Variants in AMMECR1 observed in about 807,000 individuals in gnomAD.
AMMECR1 encodes AMMECR nuclear protein 1.
AMMECR1 carries 3 observed loss-of-function variants against 22.5 expected under a neutral mutation model. The ratio of observed to expected loss-of-function variants is 0.13; its 90% CI spans 0.06 to 0.35. The LOEUF is 0.35. Ranked by LOEUF, AMMECR1 falls within the 10% of genes least tolerant of loss-of-function variation. AMMECR1 has a pLI of 1.00. For synonymous variants in AMMECR1, 130 were observed against 116.7 expected (o/e 1.11, Z -0.74); for missense variants, 235 against 278.7 (o/e 0.84, Z 1.12).
intron 2 of AMMECR1, among the ~76,000 whole-genome samples, chrX:110,400,794 G>A (rs1295547013): frequency 1.8e-5 from 2 of 111,459 alleles, no homozygotes; most frequent in Non-Finnish European, 3.8e-5. Flanking sequence ...TTGAATGTGA[G>A]CCCCTTGAGA....
intron 1 of AMMECR1, among the ~76,000 whole-genome samples, chrX:110,296,009 C>G (rs1428138301): frequency 8.9e-6 from 1 of 111,934 alleles, no homozygotes; most frequent in East Asian, 2.8e-4. Flanking sequence ...GTTACCTTTA[C>G]CAGTACTCTT....
chrX:110,279,160 T>C (rs764223607), intron 1 of AMMECR1, among the ~76,000 whole-genome samples: 18 of 112,033 alleles, frequency 1.6e-4, no homozygotes, highest in Non-Finnish European at 2.6e-4. Context: ...TATTATTAGA[T>C]TGATTAAAAA....
chrX:110,257,665 T>G (rs1210362817), intron 2 of AMMECR1, among the ~76,000 whole-genome samples: 1 of 112,097 alleles, frequency 8.9e-6, no homozygotes, highest in African/African-American at 3.2e-5. Context: ...AAAAGTGAAC[T>G]AGGGATGAAC....
chrX:110,311,514 T>G (rs1429474543), intron 1 of AMMECR1, among the ~76,000 whole-genome samples: 9 of 110,018 alleles, frequency 8.2e-5, no homozygotes, highest in African/African-American at 1.7e-4. Context: ...AAAAACAGGG[T>G]TTTTTTTTCC....
At chrX:110,434,536 C>CA (rs2068822116) in intron 1 of AMMECR1, among the ~76,000 whole-genome samples, 2 of 111,319 alleles carry the variant, frequency 1.8e-5, no homozygotes, top group South Asian at 7.8e-4. Flanking sequence ...GGCTGGCTGT[C>CA]ATGGGGTCAA....
At position 110,196,992 on chromosome X, in the gene AMMECR1, T is replaced by C. The variant is rs905733464; in HGVS notation, c.*1528A>G. 2.7e-5 allele frequency: 3 copies of C among 112,230 alleles called. No individual in the cohort carries two copies. The highest frequency in any genetic ancestry group is 9.7e-5 in the African/African-American group (3 of 30,875). 9.2% of individuals were successfully genotyped at this position (112,230 alleles called of 1,213,427 possible). On this transcript the variant is annotated 3_prime_UTR_variant, in exon 6 of 6. Coordinates refer to ENST00000262844, the MANE Select transcript of AMMECR1 (RefSeq NM_015365.3). ...GCTTCCTATTTGAAAAAATTATATATATTTTTCCAAAGACACACAGACACA... is the reference window on the plus strand; with the variant it reads ...GCTTCCTATTTGAAAAAATTATATACATTTTTCCAAAGACACACAGACACA...
intron 3 of AMMECR1, among the ~76,000 whole-genome samples, chrX:110,202,816 A>G (rs757010936): frequency 4.2e-4 from 47 of 111,447 alleles, no homozygotes; most frequent in Non-Finnish European, 8.7e-4. Context: ...GTAGAATAAG[A>G]CGGTTGATGG....
At position 110,317,601 on chromosome X, in the gene AMMECR1, G is replaced by C. The variant is rs760800088; in HGVS notation, c.471C>G (p.Pro157=). ...GCGGCGGAGGGCACGGTACTCACTA[G>C]GGCTCGTTGGTGAATCGGGGGGTCC... The part of the protein sequence containing the change: ...QPRTPRFTNE[P]YPLFVTWKIG... The change falls in exon 1 of 6, where the codon CCC becomes CCG. Residue 157 remains proline (P), a splice_region_variant and synonymous_variant. Transcript: ENST00000262844. 1.1e-5 allele frequency: 13 copies of C among 1,188,627 alleles called. No individual in the cohort carries two copies. The highest frequency in any genetic ancestry group is 1.2e-5 in the Non-Finnish European group (11 of 882,526).
chrX:110,200,943 G>A lies in AMMECR1; in HGVS notation c.887+11C>T. Reference sequence around the variant, plus strand: ...ACAGGTTAGCCTTGTGCTAGAAAATGTCTTCTGTACCTGGTCAGTTTTATG... The same window carrying A: ...ACAGGTTAGCCTTGTGCTAGAAAATATCTTCTGTACCTGGTCAGTTTTATG... On this transcript the variant is annotated intron_variant, in intron 5 of 5. Coordinates refer to ENST00000262844, the MANE Select transcript of AMMECR1 (RefSeq NM_015365.3). 1 of 1,175,526 alleles carries A rather than the reference G, an allele frequency of 8.5e-7. No individual in the cohort carries two copies. Among genetic ancestry groups the A allele is most frequent in the Non-Finnish European group, 1.2e-6 (1 of 863,666 alleles).
chrX:110,225,001 C>T, intron 2 of AMMECR1: 1 of 371,279 alleles, frequency 2.7e-6, no homozygotes, highest in Non-Finnish European at 5.2e-6. Context: ...TTCAGAACTG[C>T]AGGACATGTC....
At chrX:110,421,924 G>C (rs1383203700) in intron 2 of AMMECR1, among the ~76,000 whole-genome samples, 2 of 112,999 alleles carry the variant, frequency 1.8e-5, no homozygotes, top group Non-Finnish European at 3.7e-5. Flanking sequence ...AATGGCCATG[G>C]CTATAAGGAA....
At chrX:110,355,714 G>A (rs1408789405) in intron 2 of AMMECR1, among the ~76,000 whole-genome samples, 5 of 111,844 alleles carry the variant, frequency 4.5e-5, no homozygotes, top group Non-Finnish European at 1.9e-5. Context: ...GTATGATACA[G>A]CAATGTCACT....
At chrX:110,380,636 A>C (rs943057169) in intron 2 of AMMECR1, among the ~76,000 whole-genome samples, 4 of 112,548 alleles carry the variant, frequency 3.6e-5, no homozygotes, top group African/African-American at 9.7e-5. Flanking sequence ...CAAATAGTCA[A>C]AGTAAACCTA....
intron 2 of AMMECR1, among the ~76,000 whole-genome samples, chrX:110,217,110 TAAA>T (rs2067477262): frequency 1.8e-5 from 2 of 108,224 alleles, no homozygotes; most frequent in Admixed American, 2.0e-4. Flanking sequence ...AATATTGTTT[TAAA>T]AAAGATTATA....
Position 110,317,587 on chromosome X carries a change from C to A in AMMECR1, c.473+12G>T. 1 of 1,163,938 alleles carries A rather than the reference C, an allele frequency of 8.6e-7. No individual in the cohort carries two copies. On this transcript the variant is annotated intron_variant, in intron 1 of 5. Coordinates refer to ENST00000262844, the MANE Select transcript of AMMECR1 (RefSeq NM_015365.3). The stretch of plus-strand genomic sequence containing the variant: ...GCGCAAGGGAGAGGGCGGCGGAGGG[C>A]ACGGTACTCACTAGGGCTCGTTGGT...
chrX:110,230,686 G>A (rs1380598127), intron 2 of AMMECR1, among the ~76,000 whole-genome samples: 5 of 112,082 alleles, frequency 4.5e-5, no homozygotes, highest in Non-Finnish European at 9.4e-5. Context: ...TGACTTTGAC[G>A]AGTTGACAGA....
intron 2 of AMMECR1, among the ~76,000 whole-genome samples, chrX:110,259,900 G>A (rs1334618451): frequency 9.0e-6 from 1 of 111,170 alleles, no homozygotes; most frequent in African/African-American, 3.3e-5. Flanking sequence ...TTTTTTGACT[G>A]AGATGTTTAT....
chrX:110,392,761 T>C (rs1490661549), intron 2 of AMMECR1, among the ~76,000 whole-genome samples: 1 of 112,297 alleles, frequency 8.9e-6, no homozygotes, highest in Non-Finnish European at 1.9e-5. Context: ...AGTGACTCAA[T>C]TGATGTACCA....
chrX:110,359,392 C>T (rs1289194105), intron 2 of AMMECR1, among the ~76,000 whole-genome samples: 2 of 111,267 alleles, frequency 1.8e-5, no homozygotes, highest in East Asian at 2.8e-4. Flanking sequence ...TACTCATGAA[C>T]GACATGCTCT....
Sources: gnomAD v4.1 joint callset for allele counts (sites outside exome capture counted in the v4.1 genomes callset) on GRCh38, gnomAD v4.1.1 for gene constraint, MANE v1.5 for transcripts, NCBI Gene and HGNC (gene_info 2026-07-23, HGNC 2026-07-21) for gene names.